FKBP5: variants seen among roughly 807,000 people sequenced by gnomAD.
FKBP5 encodes the protein FKBP prolyl isomerase 5.
A neutral mutation model predicts 50.5 loss-of-function variants in FKBP5; 23 were observed. The observed-to-expected ratio is 0.46, with a 90% CI of 0.33 to 0.65. The LOEUF (loss-of-function observed/expected upper bound fraction) is 0.65, where lower values mean the gene tolerates loss of function less well. Among genes scored for constraint, FKBP5 ranks in the 30% least tolerant of loss-of-function variants. The pLI is 0.02. For missense variants in FKBP5, 411 were observed against 553.1 expected, an observed-to-expected ratio of 0.74 and a Z score of 2.58; for synonymous variants, 176 against 190.6, an observed-to-expected ratio of 0.92 and a Z score of 0.63.
chr6:35,680,398 C>T (rs566628509), intron 1 of FKBP5, among the ~76,000 whole-genome samples: 1 of 152,238 alleles, frequency 6.6e-6, no homozygotes, highest in African/African-American at 2.4e-5. Context: ...CTACTGCACT[C>T]CAGACTGGGC....
chr6:35,636,630 C>T (rs931856129), intron 3 of FKBP5, among the ~76,000 whole-genome samples: 3 of 152,134 alleles, frequency 2.0e-5, no homozygotes, highest in Admixed American at 6.6e-5. Flanking sequence ...GACATTTTTA[C>T]GTGAAACTAG....
In FKBP5 at chr6:35,654,877, T is replaced by A. The variant is rs559701999; in HGVS notation, c.-19-12034A>T. Reference sequence around the variant, plus strand: ...CCCCTTAGCTCAAAGGTACATCTGATAGGCATCACTGTTAAAGTTATGGCA... The same window carrying A: ...CCCCTTAGCTCAAAGGTACATCTGAAAGGCATCACTGTTAAAGTTATGGCA... On this transcript the variant is annotated intron_variant, in intron 1 of 10. Coordinates refer to ENST00000357266, the MANE Select transcript of FKBP5 (RefSeq NM_004117.4). 1.8e-4 allele frequency among the ~76,000 whole-genome samples: 27 copies of A among 152,310 alleles called. No individual in the cohort carries two copies. In the South Asian group the frequency reaches 5.4e-3, roughly 30 times the overall value.
At chr6:35,590,767 C>A (rs1762792869) in intron 7 of FKBP5, among the ~76,000 whole-genome samples, 1 of 151,942 alleles carries the variant, frequency 6.6e-6, no homozygotes. Context: ...ACCCCACTCC[C>A]CCAAGGAGCC....
At chr6:35,691,824 C>T (rs1042709477), upstream of FKBP5, among the ~76,000 whole-genome samples, 17 of 152,158 alleles carry the variant, frequency 1.1e-4, no homozygotes, top group Admixed American at 5.9e-4. Flanking sequence ...AGGCACAGTA[C>T]GGTTCTTTGC....
Position 35,597,411 on chromosome 6 carries a change from G to T in FKBP5, c.509-7C>A. The T allele has an allele frequency of 1.2e-6, 2 of 1,612,414 alleles. No individual in the cohort carries two copies. Among genetic ancestry groups the T allele is most frequent in the Non-Finnish European group, 1.7e-6 (2 of 1,179,424 alleles). On this transcript the variant is annotated splice_polypyrimidine_tract_variant and splice_region_variant and intron_variant, in intron 5 of 10. Transcript: ENST00000357266. ...CAGCGGCCTTCCAGGTGGACTGAGG[G>T]CAAGGAGACAGGAGAGTCAACAGAG...
Position 35,620,114 on chromosome 6 carries a change from C to T in FKBP5, c.393+18G>A. 2 of 1,614,008 alleles carry T rather than the reference C, an allele frequency of 1.2e-6. No homozygotes were observed. The highest frequency in any genetic ancestry group is 1.1e-5 in the South Asian group (1 of 91,072). ...TGTAGAGCAGATGCTGACAAGGCAA[C>T]ATCACACACATACTTGCCTCAAAAA... On this transcript the variant is annotated intron_variant, in intron 4 of 10. Transcript: ENST00000357266.
chr6:35,692,147 T>C (rs536620955), upstream of FKBP5, among the ~76,000 whole-genome samples: 69 of 152,304 alleles, frequency 4.5e-4, no homozygotes, highest in African/African-American at 1.7e-3. Context: ...TCTTTTTCTG[T>C]CTTCCTTTTT....
chr6:35,585,231 A>G (rs1762563591), intron 8 of FKBP5: 1 of 977,814 alleles, frequency 1.0e-6, no homozygotes, highest in Non-Finnish European at 1.2e-6. Flanking sequence ...GACTTCGGAA[A>G]TATAGAAAAT....
intron 1 of FKBP5, among the ~76,000 whole-genome samples, chr6:35,649,718 C>T (rs549872833): frequency 2.6e-5 from 4 of 152,078 alleles, no homozygotes; most frequent in African/African-American, 9.6e-5. Context: ...AGAGCAAAGG[C>T]TTGAGAAAAG....
intron 1 of FKBP5, among the ~76,000 whole-genome samples, chr6:35,685,717 C>T (rs1052968854): frequency 2.6e-5 from 4 of 152,140 alleles, no homozygotes; most frequent in African/African-American, 9.7e-5. Context: ...CGCGATGGCT[C>T]ACGCCTGTAA....
At chr6:35,584,280 C>T (rs1762534825) in intron 8 of FKBP5, 1 of 985,326 alleles carries the variant, frequency 1.0e-6, no homozygotes. Context: ...GACTTTACAT[C>T]TTCAATGGCA....
At chr6:35,577,577 C>T (rs1171643050) in intron 9 of FKBP5, among the ~76,000 whole-genome samples, 1 of 152,182 alleles carries the variant, frequency 6.6e-6, no homozygotes, top group Non-Finnish European at 1.5e-5. Flanking sequence ...TTTAAAACTA[C>T]TGAAATTAAG....
intron 3 of FKBP5, among the ~76,000 whole-genome samples, chr6:35,633,949 G>C (rs1044907764): frequency 6.6e-6 from 1 of 151,990 alleles, no homozygotes; most frequent in African/African-American, 2.4e-5. Flanking sequence ...GTGTGTCAGA[G>C]GTACAAAGTC....
chr6:35,663,964 T>C (rs1765145885), intron 1 of FKBP5, among the ~76,000 whole-genome samples: 1 of 152,246 alleles, frequency 6.6e-6, no homozygotes, highest in South Asian at 2.1e-4. Context: ...ATGGACGAGC[T>C]AAGTAATCTA....
intron 5 of FKBP5, among the ~76,000 whole-genome samples, chr6:35,608,995 G>A (rs1434734197): frequency 6.6e-6 from 1 of 152,058 alleles, no homozygotes; most frequent in Admixed American, 6.5e-5. Flanking sequence ...ATGGGGTTTT[G>A]CCATGTTGGC....
In FKBP5 at chr6:35,672,470, C is replaced by CTT. The variant is rs548784244; in HGVS notation, c.-20+16332_-20+16333dup. Among the ~76,000 whole-genome samples, 1,035 of 136,884 alleles carry CTT rather than the reference C, an allele frequency of 7.6e-3. 10 individuals are homozygous for CTT. The highest frequency in any genetic ancestry group is 0.024 in the African/African-American group (890 of 37,302). 89.8% of individuals were successfully genotyped at this position (136,884 alleles called of 152,430 possible). A position where few individuals can be genotyped will look rare whatever the true frequency, so the allele number is the denominator to read the frequency against. On this transcript the variant is annotated intron_variant, in intron 1 of 10. Transcript: ENST00000357266. Reference sequence around the variant, plus strand: ...AAAATCAATCTAGTCCAGAAGCTTGCTTTTTTTTTTTTTTAAAGAAATAAT... The same window carrying CTT: ...AAAATCAATCTAGTCCAGAAGCTTGCTTTTTTTTTTTTTTTTAAAGAAATAAT...
At chr6:35,683,116 GTA>G (rs573839682) in intron 1 of FKBP5, among the ~76,000 whole-genome samples, 2,011 of 63,452 alleles carry the variant, frequency 0.032, 144 homozygotes, top group East Asian at 0.087. Flanking sequence ...ATATATATAC[GTA>G]TATGTGTGTG....
At chr6:35,678,252 G>C (rs955833329) in intron 1 of FKBP5, among the ~76,000 whole-genome samples, 6 of 152,112 alleles carry the variant, frequency 3.9e-5, no homozygotes, top group Non-Finnish European at 7.3e-5. Context: ...GGAGTGGGGA[G>C]GGGTCATGTT....
intron 1 of FKBP5, among the ~76,000 whole-genome samples, chr6:35,681,270 G>A (rs992479441): frequency 1.3e-5 from 2 of 152,206 alleles, no homozygotes; most frequent in South Asian, 2.1e-4. Context: ...AAAGGTATAC[G>A]GAAGCTCTTT....
Sources: allele counts gnomAD v4.1 joint callset (sites outside exome capture counted in the v4.1 genomes callset), GRCh38; gene constraint gnomAD v4.1.1; transcripts MANE v1.5; gene names NCBI Gene and HGNC (gene_info 2026-07-23, HGNC 2026-07-21).